Variants in MOXD1 observed in about 807,000 individuals in gnomAD.
The protein encoded by MOXD1 is DBH-like monooxygenase protein 1.
In MOXD1, 62 loss-of-function variants were observed where a neutral mutation model predicts 66.6. The observed-to-expected ratio is 0.93, with a 90% confidence interval of 0.76 to 1.15. MOXD1 has a LOEUF of 1.15. Among genes scored for constraint, MOXD1 ranks in the 50% most tolerant of loss-of-function variants. The pLI is 0.00. For synonymous variants in MOXD1, 303 were observed against 281.9 expected (o/e 1.07, Z -0.75); for missense variants, 847 against 754.6 (o/e 1.12, Z -1.44).
At chr6:132,361,546 C>T (rs950607964) in intron 4 of MOXD1, among the ~76,000 whole-genome samples, 2 of 152,066 alleles carry the variant, frequency 1.3e-5, no homozygotes, top group Admixed American at 6.6e-5. Context: ...TAAAATGTAA[C>T]TTGACAAATG....
intron 9 of MOXD1, among the ~76,000 whole-genome samples, chr6:132,319,743 C>T (rs139994327): frequency 1.3e-3 from 201 of 149,562 alleles, no homozygotes; most frequent in African/African-American, 4.9e-3. Flanking sequence ...AAAAAAAAAA[C>T]GGTATTTCAT....
intron 10 of MOXD1, among the ~76,000 whole-genome samples, chr6:132,308,198 A>G (rs1183800844): frequency 1.3e-5 from 2 of 152,076 alleles, no homozygotes; most frequent in Non-Finnish European, 2.9e-5. Flanking sequence ...GATGTCACCA[A>G]TGGCCCCACA....
chr6:132,368,853 C>T (rs936233026), intron 4 of MOXD1, among the ~76,000 whole-genome samples: 5 of 152,086 alleles, frequency 3.3e-5, no homozygotes, highest in Non-Finnish European at 5.9e-5. Context: ...ACAAACTCTA[C>T]ACATACTATG....
chr6:132,303,704 T>TACACAC (rs772482923), intron 10 of MOXD1, among the ~76,000 whole-genome samples: 2,109 of 134,746 alleles, frequency 0.016, 55 homozygotes, highest in African/African-American at 0.045. Context: ...GCTGACTGTA[T>TACACAC]ACATACACAC....
Position 132,319,732 on chromosome 6 carries a change from G to GAA in MOXD1, c.1365+895_1365+896dup, listed in dbSNP as rs199561006. Among the ~76,000 whole-genome samples the GAA allele has an allele frequency of 6.8e-3, 970 of 142,072 alleles. 9 individuals are homozygous for GAA. Among genetic ancestry groups the GAA allele is most frequent in the African/African-American group, 0.023 (911 of 38,934 alleles). 93.2% of individuals were successfully genotyped at this position (142,072 alleles called of 152,430 possible). On this transcript the variant is annotated intron_variant, in intron 9 of 11. Coordinates refer to ENST00000367963, the MANE Select transcript of MOXD1 (RefSeq NM_015529.4). ...AATACCCTTATATTCTTCCTAACTTGAAAAAAAAAACGGTATTTCATTTAA... is the reference window on the plus strand; with the variant it reads ...AATACCCTTATATTCTTCCTAACTTGAAAAAAAAAAAACGGTATTTCATTTAA...
At chr6:132,300,203 T>A (rs1200013188) in intron 10 of MOXD1, among the ~76,000 whole-genome samples, 5 of 152,142 alleles carry the variant, frequency 3.3e-5, no homozygotes, top group Non-Finnish European at 7.3e-5. Context: ...CAATCAGCAT[T>A]GCATTACATA....
At chr6:132,322,431 T>C (rs1038820332) in intron 8 of MOXD1, among the ~76,000 whole-genome samples, 10 of 152,178 alleles carry the variant, frequency 6.6e-5, no homozygotes, top group African/African-American at 2.4e-4. Context: ...AGATTTTTGT[T>C]TGGGGTTGTT....
chr6:132,310,871 T>C (rs1255925080), intron 10 of MOXD1, among the ~76,000 whole-genome samples: 3 of 151,502 alleles, frequency 2.0e-5, no homozygotes, highest in Non-Finnish European at 4.4e-5. Flanking sequence ...AGGGAGGGAA[T>C]ATAGAAGATG....
intron 8 of MOXD1, among the ~76,000 whole-genome samples, chr6:132,321,133 C>T (rs777170996): frequency 2.6e-5 from 4 of 151,954 alleles, no homozygotes; most frequent in African/African-American, 4.8e-5. Context: ...GGCGTGGTTG[C>T]GGGCACCTTT....
intron 10 of MOXD1, among the ~76,000 whole-genome samples, chr6:132,298,415 T>C (rs900998428): frequency 6.6e-6 from 1 of 152,160 alleles, no homozygotes; most frequent in Non-Finnish European, 1.5e-5. Flanking sequence ...AATTAACTGG[T>C]AAGCATTCAT....
At chr6:132,331,591 T>G (rs1775319338) in intron 4 of MOXD1, among the ~76,000 whole-genome samples, 2 of 152,224 alleles carry the variant, frequency 1.3e-5, no homozygotes, top group Non-Finnish European at 2.9e-5. Flanking sequence ...TGTCTTTTAT[T>G]TAGACCTACT....
intron 10 of MOXD1, among the ~76,000 whole-genome samples, chr6:132,300,313 C>T (rs921321699): frequency 3.3e-5 from 5 of 152,106 alleles, no homozygotes; most frequent in African/African-American, 1.2e-4. Flanking sequence ...CAAGCAAAAA[C>T]TTGACTTGAA....
chr6:132,342,107 A>G (rs1390131581), intron 4 of MOXD1, among the ~76,000 whole-genome samples: 1 of 152,096 alleles, frequency 6.6e-6, no homozygotes, highest in African/African-American at 2.4e-5. Flanking sequence ...GATTCAAGCA[A>G]TTCTCCTGCC....
At chr6:132,376,276 G>C (rs891282970) in intron 1 of MOXD1, among the ~76,000 whole-genome samples, 1 of 152,124 alleles carries the variant, frequency 6.6e-6, no homozygotes, top group South Asian at 2.1e-4. Context: ...CTGAGAAAAT[G>C]TAATATATAA....
intron 1 of MOXD1, among the ~76,000 whole-genome samples, chr6:132,377,138 T>A (rs941972447): frequency 2.0e-5 from 3 of 152,226 alleles, no homozygotes; most frequent in Non-Finnish European, 2.9e-5. Flanking sequence ...GTTTTTCACA[T>A]AAAATGTTAC....
At chr6:132,394,973 T>C (rs75846368) in intron 1 of MOXD1, among the ~76,000 whole-genome samples, 1 of 152,080 alleles carries the variant, frequency 6.6e-6, no homozygotes, top group African/African-American at 2.4e-5. Context: ...TCCATATAGA[T>C]ACAATTCAAA....
chr6:132,392,355 C>G (rs1776784446), intron 1 of MOXD1: 2 of 1,538,992 alleles, frequency 1.3e-6, no homozygotes, highest in East Asian at 2.4e-5. Flanking sequence ...TTTATACCCC[C>G]ATAAGAAGGG....
At position 132,349,358 on chromosome 6, in the gene MOXD1, T is replaced by G. The variant is rs1015941072; in HGVS notation, c.664-20764A>C. Among the ~76,000 whole-genome samples the G allele has an allele frequency of 5.1e-5, 7 of 137,644 alleles. 1 individual carries two copies. The Admixed American group carries it at 5.3e-4, about 10-fold the overall frequency. 90.3% of individuals were successfully genotyped at this position (137,644 alleles called of 152,430 possible). ...GTATTCCATCATATATATAGATATATTCCATCATATATATATATACATGTA... is the reference window on the plus strand; with the variant it reads ...GTATTCCATCATATATATAGATATAGTCCATCATATATATATATACATGTA... On this transcript the variant is annotated intron_variant, in intron 4 of 11. Coordinates refer to ENST00000367963, the MANE Select transcript of MOXD1 (RefSeq NM_015529.4).
chr6:132,382,992 T>A (rs1195883251), intron 1 of MOXD1, among the ~76,000 whole-genome samples: 2 of 152,196 alleles, frequency 1.3e-5, no homozygotes, highest in African/African-American at 4.8e-5. Flanking sequence ...ACGGGTATAA[T>A]AAAAGATATG....
Sources: allele counts gnomAD v4.1 joint callset (sites outside exome capture counted in the v4.1 genomes callset), GRCh38; gene constraint gnomAD v4.1.1; transcripts MANE v1.5; gene names NCBI Gene and HGNC (gene_info 2026-07-23, HGNC 2026-07-21).